VENTX: variants seen among roughly 807,000 people sequenced by gnomAD.
VENTX encodes the protein VENT homeobox.
In VENTX, 13 loss-of-function variants were observed where a neutral mutation model predicts 10.5. The ratio of observed to expected loss-of-function variants is 1.23; its 90% CI spans 0.80 to 1.96. The LOEUF (loss-of-function observed/expected upper bound fraction) is 1.96, where lower values mean the gene tolerates loss of function less well. Among genes scored for constraint, VENTX ranks in the 30% most tolerant of loss-of-function variants. The pLI is 0.00. For synonymous variants in VENTX, 177 were observed against 150.4 expected (o/e 1.18, Z -1.29); for missense variants, 400 against 341.8 (o/e 1.17, Z -1.34).
rs978712019 is a variant in VENTX at position 133,241,128 on chromosome 10, C to T, written c.*822C>T. On this transcript the variant is annotated 3_prime_UTR_variant, in exon 3 of 3. Coordinates refer to ENST00000325980, the MANE Select transcript of VENTX (RefSeq NM_014468.4). ...GTTCAAGTCCCTCTTAACAAGAACT[C>T]CAAAGCTGGAAAGCAGGAGGGAACA... is the stretch of plus-strand genomic sequence containing the variant. 6.6e-6 allele frequency: 1 copy of T among 152,272 alleles called. No homozygotes were observed. The highest frequency in any genetic ancestry group is 1.5e-5 in the Non-Finnish European group (1 of 68,086). 9.4% of individuals were successfully genotyped at this position (152,272 alleles called of 1,614,324 possible). A position where few individuals can be genotyped will look rare whatever the true frequency, so the allele number is the denominator to read the frequency against.
rs777333048 is a variant in VENTX, at chr10:133,240,127, G to A, written c.598G>A (p.Gly200Ser). 4 of 1,609,858 alleles carry A rather than the reference G, an allele frequency of 2.5e-6. No homozygotes were observed. The African/African-American group carries it at 5.3e-5, about 21-fold the overall frequency. The change falls in exon 3 of 3, where the codon GGC becomes AGC. Residue 200 changes from glycine (G) to serine (S), a missense_variant. Transcript: ENST00000325980. Reference protein sequence around the residue: ...SGPQALMLPPGSFWGLCQVAQ... With the variant: ...SGPQALMLPPSSFWGLCQVAQ... ...GCCCCAGGCTCTGATGCTGCCCCCT[G>A]GCTCCTTCTGGGGTCTCTGCCAAGT...
Position 133,240,107 on chromosome 10 carries a change from A to C in VENTX, c.578A>C (p.Gln193Pro), listed in dbSNP as rs1554925043. ...CCTTGGGCACCCCTGTCCGGGCCCC[A>C]GGCTCTGATGCTGCCCCCTGGCTCC... Reference protein sequence around the residue: ...LCPWAPLSGPQALMLPPGSFW... With the variant: ...LCPWAPLSGPPALMLPPGSFW... The change falls in exon 3 of 3, where the codon CAG becomes CCG. Residue 193 changes from glutamine (Q) to proline (P), a missense_variant. Gln to Pro is a moderately conservative substitution (Grantham distance 76, BLOSUM62 -1). Coordinates refer to ENST00000325980, the MANE Select transcript of VENTX (RefSeq NM_014468.4). The C allele has an allele frequency of 2.5e-6, 4 of 1,610,678 alleles. No individual in the cohort carries two copies. Among genetic ancestry groups the C allele is most frequent in the Non-Finnish European group, 3.4e-6 (4 of 1,179,984 alleles).
In VENTX at chr10:133,239,749, C is replaced by T; in HGVS notation, c.315C>T (p.Thr105=). ...RTAFTMEQVR[T]LEGVFQHHQY... is the part of the protein sequence containing the mutation. ...CCTTCACCATGGAGCAGGTCCGCAC[C>T]TTGGAGGGCGTCTTCCAGCACCACC... is the stretch of plus-strand genomic sequence containing the variant. Residue 105 remains threonine (T), a synonymous_variant, in exon 2 of 3, where the codon ACC becomes ACT. Transcript: ENST00000325980. 3 of 1,611,254 alleles carry T rather than the reference C, an allele frequency of 1.9e-6. No homozygotes were observed. Among genetic ancestry groups the T allele is most frequent in the Non-Finnish European group, 2.5e-6 (3 of 1,179,986 alleles).
In VENTX at chr10:133,240,474, A is replaced by G; in HGVS notation, c.*168A>G. 4.9e-6 allele frequency: 2 copies of G among 410,264 alleles called. No individual in the cohort carries two copies. Among genetic ancestry groups the G allele is most frequent in the Non-Finnish European group, 7.9e-6 (2 of 253,344 alleles). 25.4% of individuals were successfully genotyped at this position (410,264 alleles called of 1,614,324 possible). A position where few individuals can be genotyped will look rare whatever the true frequency, so the allele number is the denominator to read the frequency against. On this transcript the variant is annotated 3_prime_UTR_variant, in exon 3 of 3. Coordinates refer to ENST00000325980, the MANE Select transcript of VENTX (RefSeq NM_014468.4). ...TATAAATATATATATGTACGTATAT[A>G]TGTAAATACACATATACGTATATAT...
In VENTX at chr10:133,240,468, GT is replaced by G. The variant is rs1184887090; in HGVS notation, c.*163del. On this transcript the variant is annotated 3_prime_UTR_variant, in exon 3 of 3. Coordinates refer to ENST00000325980, the MANE Select transcript of VENTX (RefSeq NM_014468.4). The stretch of plus-strand genomic sequence containing the variant: ...AATATATATAAATATATATATGTAC[GT>G]ATATATGTAAATACACATATACGTA... The G allele has an allele frequency of 2.1e-6, 1 of 466,214 alleles. No individual in the cohort carries two copies. The highest frequency in any genetic ancestry group is 3.3e-6 in the Non-Finnish European group (1 of 304,090). 28.9% of individuals were successfully genotyped at this position (466,214 alleles called of 1,614,324 possible). A position where few individuals can be genotyped will look rare whatever the true frequency, so the allele number is the denominator to read the frequency against.
At chr10:133,239,481 C>A (rs957297679) in intron 1 of VENTX, among the ~76,000 whole-genome samples, 195 bp from the exon 2 acceptor site, 19 of 152,302 alleles carry the variant, frequency 1.2e-4, no homozygotes, top group African/African-American at 4.6e-4. Context: ...ACATTCCCTC[C>A]CCTCTTGAGC....
intron 1 of VENTX, among the ~76,000 whole-genome samples, chr10:133,238,438 G>A (rs1845883683): frequency 6.6e-6 from 1 of 151,946 alleles, no homozygotes; most frequent in African/African-American, 2.4e-5. Flanking sequence ...CCCCCACCCC[G>A]GCCTGGTGCC....
At position 133,238,112 on chromosome 10, in the gene VENTX, C is replaced by T; in HGVS notation, c.198C>T (p.Ala66=). 1.2e-6 allele frequency: 2 copies of T among 1,602,764 alleles called. No homozygotes were observed. The highest frequency in any genetic ancestry group is 1.7e-6 in the Non-Finnish European group (2 of 1,176,124). ...EPPQAVSIKE[A]AGSSNLPAPE... Reference sequence around the variant, plus strand: ...CTCAGGCCGTCAGCATCAAGGAGGCCGCCGGGTCCTCAAATCTGCCTGCGC... The same window carrying T: ...CTCAGGCCGTCAGCATCAAGGAGGCTGCCGGGTCCTCAAATCTGCCTGCGC... Residue 66 remains alanine (A), a synonymous_variant, in exon 1 of 3, where the codon GCC becomes GCT. Coordinates refer to ENST00000325980, the MANE Select transcript of VENTX (RefSeq NM_014468.4).
chr10:133,240,672 T>C lies in VENTX; in HGVS notation c.*366T>C, dbSNP rs903929246. ...GATTCTCCAGCCTCAGCCTCCCGAG[T>C]AGCTGGGATTACAGACACCCGCCAC... On this transcript the variant is annotated 3_prime_UTR_variant, in exon 3 of 3. Transcript: ENST00000325980. 1.3e-5 allele frequency: 2 copies of C among 150,514 alleles called. No homozygotes were observed. Among genetic ancestry groups the C allele is most frequent in the Admixed American group, 1.3e-4 (2 of 15,028 alleles). 9.3% of individuals were successfully genotyped at this position (150,514 alleles called of 1,614,324 possible).
rs1256521243 is a variant in VENTX, at chr10:133,238,048, TCCCTGGCCCAGG to T, written c.137_148del (p.Pro46_Gly49del). The stretch of plus-strand genomic sequence containing the variant: ...CCTGCCGACTTCTCCCTGGGGAGCC[TCCCTGGCCCAGG>T]CCAGACATCCGGCGCCCGGGAGCCC... On this transcript the variant is annotated inframe_deletion, in exon 1 of 3. Transcript: ENST00000325980. The T allele has an allele frequency of 9.4e-6, 15 of 1,599,810 alleles. No individual in the cohort carries two copies. The highest frequency in any genetic ancestry group is 1.2e-5 in the Non-Finnish European group (14 of 1,175,248).
chr10:133,239,918 T>C lies in VENTX; in HGVS notation c.403-14T>C. The C allele has an allele frequency of 6.2e-7, 1 of 1,610,758 alleles. No homozygotes were observed. The highest frequency in any genetic ancestry group is 8.5e-7 in the Non-Finnish European group (1 of 1,178,706). On this transcript the variant is annotated splice_polypyrimidine_tract_variant and intron_variant, in intron 2 of 2. Coordinates refer to ENST00000325980, the MANE Select transcript of VENTX (RefSeq NM_014468.4). ...CCTAGTCTCACCCCTGTTCTGATCT[T>C]GCTTTTCCTACAGATAAAAACCTGG...
At position 133,239,819 on chromosome 10, in the gene VENTX, C is replaced by T; in HGVS notation, c.385C>T (p.Gln129Ter). Reference protein sequence around the residue: ...LERKRLAREMQLSEVQIKTWF... With the variant: ...LERKRLAREM ...GCGGAAGAGGCTGGCCAGGGAGATG[C>T]AGCTCTCAGAGGTCCAGGTGAGGTG... The change falls in exon 2 of 3, where the codon CAG becomes TAG. Residue 129 changes from glutamine (Q) to a stop codon, truncating the protein, a stop_gained. Coordinates refer to ENST00000325980, the MANE Select transcript of VENTX (RefSeq NM_014468.4). LOFTEE classifies it low-confidence loss of function (END_TRUNC). 1.2e-6 allele frequency: 2 copies of T among 1,610,736 alleles called. No homozygotes were observed. Among genetic ancestry groups the T allele is most frequent in the Admixed American group, 1.7e-5 (1 of 59,920 alleles).
In VENTX at chr10:133,240,524, G is replaced by GTGTGTGTATATA. The variant is rs142105196; in HGVS notation, c.*219_*220insGTGTGTATATAT. 4.4e-5 allele frequency: 3 copies of GTGTGTGTATATA among 68,780 alleles called. No homozygotes were observed. Among genetic ancestry groups the GTGTGTGTATATA allele is most frequent in the African/African-American group, 2.2e-4 (3 of 13,780 alleles). The allele number at this position is 68,780 out of a possible 1,614,324, so 4.3% of individuals were successfully genotyped here. On this transcript the variant is annotated 3_prime_UTR_variant, in exon 3 of 3. Coordinates refer to ENST00000325980, the MANE Select transcript of VENTX (RefSeq NM_014468.4). ...TAAATATATATATACATATGTGTGT[G>GTGTGTGTATATA]TATATATATATATATTTTTTTTTTT...
chr10:133,240,433 A>G lies in VENTX; in HGVS notation c.*127A>G. 1.0e-6 allele frequency: 1 copy of G among 979,486 alleles called. No homozygotes were observed. Among genetic ancestry groups the G allele is most frequent in the Non-Finnish European group, 1.4e-6 (1 of 720,052 alleles). 60.7% of individuals were successfully genotyped at this position (979,486 alleles called of 1,614,324 possible). ...CCTGACCCACACAAAGGTTCTGGAG[A>G]TTACTGGAGAATATATATAAATATA... On this transcript the variant is annotated 3_prime_UTR_variant, in exon 3 of 3. Coordinates refer to ENST00000325980, the MANE Select transcript of VENTX (RefSeq NM_014468.4).
chr10:133,239,669 A>T lies in VENTX; in HGVS notation c.242-7A>T, dbSNP rs1181985634. On this transcript the variant is annotated splice_polypyrimidine_tract_variant and splice_region_variant and intron_variant, in intron 1 of 2. Transcript: ENST00000325980. ...GTTGAGCCAAATGCCCTTACCCTCT[A>T]TGTCAGGGTTGAGTAAGGAGCCAAA... 1.2e-6 allele frequency: 2 copies of T among 1,610,916 alleles called. No individual in the cohort carries two copies. The highest frequency in any genetic ancestry group is 2.2e-5 in the South Asian group (2 of 90,998).
chr10:133,238,900 C>T (rs993704672), intron 1 of VENTX, among the ~76,000 whole-genome samples: 4 of 152,138 alleles, frequency 2.6e-5, no homozygotes, highest in Non-Finnish European at 5.9e-5. Context: ...TAAATGTATT[C>T]TCCCCAGCTA....
intron 1 of VENTX, among the ~76,000 whole-genome samples, 191 bp from the exon 2 acceptor site, chr10:133,239,485 C>T (rs1845897900): frequency 6.6e-6 from 1 of 152,206 alleles, no homozygotes; most frequent in Non-Finnish European, 1.5e-5. Context: ...TCCCTCCCCT[C>T]TTGAGCCCCC....
chr10:133,240,084 T>G lies in VENTX; in HGVS notation c.555T>G (p.Pro185=), dbSNP rs572087517. ...CCAATGGCCTGCAGCTGCTGTGCCCTTGGGCACCCCTGTCCGGGCCCCAGG... is the reference window on the plus strand; with the variant it reads ...CCAATGGCCTGCAGCTGCTGTGCCCGTGGGCACCCCTGTCCGGGCCCCAGG... ...GLANGLQLLC[P]WAPLSGPQAL... Residue 185 remains proline, a synonymous_variant, in exon 3 of 3, where the codon CCT becomes CCG. Transcript: ENST00000325980. 1.3e-5 allele frequency: 21 copies of G among 1,611,488 alleles called. No individual in the cohort carries two copies. The African/African-American group carries it at 2.0e-4, about 15-fold the overall frequency.
At chr10:133,238,675 T>G (rs1845888082) in intron 1 of VENTX, among the ~76,000 whole-genome samples, 1 of 152,182 alleles carries the variant, frequency 6.6e-6, no homozygotes, top group African/African-American at 2.4e-5. Flanking sequence ...CTGCAGAAAC[T>G]CTGAAGTTCC....
Sources: gnomAD v4.1 joint callset for allele counts (sites outside exome capture counted in the v4.1 genomes callset) on GRCh38, gnomAD v4.1.1 for gene constraint, MANE v1.5 for transcripts, NCBI Gene and HGNC (gene_info 2026-07-23, HGNC 2026-07-21) for gene names.